The following DLG2 variants were observed in gnomAD, a reference collection of about 807,000 sequenced individuals.
DLG2 encodes disks large homolog 2.
A neutral mutation model predicts 132.5 loss-of-function variants in DLG2; 45 were observed. The ratio of observed to expected loss-of-function variants is 0.34; its 90% confidence interval spans 0.27 to 0.44. The LOEUF (loss-of-function observed/expected upper bound fraction) is 0.44. DLG2 is among the 20% of genes least tolerant of loss of function. The pLI, the probability that DLG2 is intolerant of heterozygous loss-of-function variation, is 1.00. For synonymous variants in DLG2, 424 were observed against 419.6 expected, an observed-to-expected ratio of 1.01 and a Z score of -0.13; for missense variants, 1,045 against 1,196.9, an observed-to-expected ratio of 0.87 and a Z score of 1.87.
At chr11:85,198,754 G>A (rs563383229) in intron 4 of DLG2, among the ~76,000 whole-genome samples, 10 of 151,926 alleles carry the variant, frequency 6.6e-5, no homozygotes, top group African/African-American at 1.9e-4. Flanking sequence ...CCAGCTTTTT[G>A]CCTCATTTAT....
chr11:84,740,386 A>T (rs2062418217), intron 6 of DLG2, among the ~76,000 whole-genome samples: 1 of 152,170 alleles, frequency 6.6e-6, no homozygotes, highest in Non-Finnish European at 1.5e-5. Flanking sequence ...ACTACAGAAG[A>T]ACCCCACAGT....
At chr11:84,322,201 G>A (rs2098408707) in intron 7 of DLG2, among the ~76,000 whole-genome samples, 1 of 152,176 alleles carries the variant, frequency 6.6e-6, no homozygotes, top group Admixed American at 6.5e-5. Flanking sequence ...CTACTTCTCA[G>A]TGTAAAATCA....
intron 6 of DLG2, chr11:84,545,658 CA>C: frequency 3.5e-6 from 1 of 287,012 alleles, no homozygotes; most frequent in Non-Finnish European, 6.8e-6. Context: ...GTTACAAAGG[CA>C]AAATCCCTTT....
At chr11:84,058,209 A>T (rs1403367774) in intron 11 of DLG2, among the ~76,000 whole-genome samples, 1 of 152,160 alleles carries the variant, frequency 6.6e-6, no homozygotes, top group East Asian at 1.9e-4. Context: ...GAAATGATTT[A>T]CTCAAAGAGT....
chr11:85,287,767 T>C (rs1393926573), intron 3 of DLG2, among the ~76,000 whole-genome samples: 1 of 152,072 alleles, frequency 6.6e-6, no homozygotes, highest in Non-Finnish European at 1.5e-5. Flanking sequence ...ATAGATAAAT[T>C]GTGATATGTT....
At chr11:85,324,498 C>G (rs2081300575) in intron 3 of DLG2, among the ~76,000 whole-genome samples, 1 of 152,144 alleles carries the variant, frequency 6.6e-6, no homozygotes, top group South Asian at 2.1e-4. Context: ...ATCTGAACAT[C>G]TGATTACTGA....
At chr11:84,364,118 G>A (rs1011513962) in intron 7 of DLG2, among the ~76,000 whole-genome samples, 16 of 151,962 alleles carry the variant, frequency 1.1e-4, no homozygotes, top group Non-Finnish European at 1.5e-4. Context: ...CAATTTTCAC[G>A]ATATTGATTC....
rs545038562 is a variant in DLG2 at position 85,590,184 on chromosome 11, C to G, written c.40+8473G>C. ...TGGTGTCTCTTTGATAGTGGGAGAT[C>G]AAATGTATTTTTTCAAATGAAAGAA... On this transcript the variant is annotated intron_variant, in intron 3 of 27. Transcript: ENST00000376104. Among the ~76,000 whole-genome samples, 7 of 152,170 alleles carry G rather than the reference C, an allele frequency of 4.6e-5. No individual in the cohort carries two copies. In the South Asian group the frequency reaches 1.5e-3, roughly 32 times the overall value.
intron 4 of DLG2, among the ~76,000 whole-genome samples, chr11:85,216,750 G>A (rs1302507084): frequency 2.6e-5 from 4 of 151,884 alleles, no homozygotes; most frequent in Non-Finnish European, 4.4e-5. Context: ...AGGCTGGAGT[G>A]CAGTGGCTGA....
chr11:85,246,177 T>C (rs2076125846), intron 4 of DLG2, among the ~76,000 whole-genome samples: 1 of 151,988 alleles, frequency 6.6e-6, no homozygotes, highest in South Asian at 2.1e-4. Flanking sequence ...TGGTTGTATT[T>C]CAAATGCCTA....
At chr11:83,672,992 T>G (rs7946175) in intron 18 of DLG2, among the ~76,000 whole-genome samples, 68,733 of 151,730 alleles carry the variant, frequency 0.45, 17,015 homozygotes, top group African/African-American at 0.66. Context: ...AACCCGGGAG[T>G]CGGAGGTTGC....
At chr11:84,494,205 C>T (rs1427346122) in intron 7 of DLG2, among the ~76,000 whole-genome samples, 1 of 152,044 alleles carries the variant, frequency 6.6e-6, no homozygotes, top group Non-Finnish European at 1.5e-5. Context: ...TGTGTGTGGT[C>T]AAGAAAAAGC....
At chr11:84,647,189 T>C (rs778405273) in intron 6 of DLG2, among the ~76,000 whole-genome samples, 16 of 152,020 alleles carry the variant, frequency 1.1e-4, no homozygotes, top group Non-Finnish European at 2.1e-4. Flanking sequence ...ATATAGGAGG[T>C]ACATTTTAAC....
chr11:83,851,718 A>G (rs2059811608), intron 16 of DLG2, among the ~76,000 whole-genome samples: 1 of 151,536 alleles, frequency 6.6e-6, no homozygotes, highest in South Asian at 2.1e-4. Context: ...TCGGGAGTTC[A>G]AGACCAGCCT....
At chr11:85,102,964 T>C (rs537235232) in intron 6 of DLG2, among the ~76,000 whole-genome samples, 4 of 152,096 alleles carry the variant, frequency 2.6e-5, no homozygotes, top group African/African-American at 7.2e-5. Context: ...ATTTTACTTC[T>C]ATACACTAGA....
Position 83,792,594 on chromosome 11 carries a change from A to G in DLG2, c.1723-5802T>C, listed in dbSNP as rs76384258. Among the ~76,000 whole-genome samples, 245 of 152,224 alleles carry G rather than the reference A, an allele frequency of 1.6e-3. 1 individual carries two copies. The highest frequency in any genetic ancestry group is 5.7e-3 in the African/African-American group (238 of 41,552). ...TATAATTTAAAATTTTATACAAATAAGATCATGTTCTACACCTTGATTTTT... is the reference window on the plus strand; with the variant it reads ...TATAATTTAAAATTTTATACAAATAGGATCATGTTCTACACCTTGATTTTT... On this transcript the variant is annotated intron_variant, in intron 17 of 27. Transcript: ENST00000376104.
chr11:84,983,686 A>C (rs1451326730), intron 6 of DLG2, among the ~76,000 whole-genome samples: 1 of 152,216 alleles, frequency 6.6e-6, no homozygotes, highest in Non-Finnish European at 1.5e-5. Context: ...GTTAGTTATT[A>C]AGCTAATCAG....
intron 6 of DLG2, among the ~76,000 whole-genome samples, chr11:84,712,569 G>A (rs2060567595): frequency 6.6e-6 from 1 of 152,088 alleles, no homozygotes; most frequent in South Asian, 2.1e-4. Flanking sequence ...CCAATTTACT[G>A]ATAGGTGAAT....
intron 21 of DLG2, chr11:83,486,096 A>G: frequency 1.8e-6 from 1 of 562,512 alleles, no homozygotes; most frequent in Non-Finnish European, 3.1e-6. Flanking sequence ...TTTTATCATC[A>G]ATTGTAATTT....
Sources: allele counts gnomAD v4.1 joint callset (sites outside exome capture counted in the v4.1 genomes callset), GRCh38; gene constraint gnomAD v4.1.1; transcripts MANE v1.5; gene names NCBI Gene and HGNC (gene_info 2026-07-23, HGNC 2026-07-21).